The following RP1 variants were observed in gnomAD, a reference collection of about 807,000 sequenced individuals.
The protein encoded by RP1 is oxygen-regulated protein 1.
A neutral mutation model predicts 14.8 loss-of-function variants in RP1; 16 were observed. The ratio of observed to expected loss-of-function variants is 1.08; its 90% confidence interval spans 0.73 to 1.65. RP1 has a LOEUF of 1.65. RP1 is among the 40% of genes most tolerant of loss of function. RP1 has a pLI of 0.00. For synonymous variants in RP1, 876 were observed against 883.6 expected (o/e 0.99, Z 0.15); for missense variants, 2,631 against 2,535.0 (o/e 1.04, Z -0.81).
At chr8:54,826,105 A>G (rs1326075327) in intron 24 of RP1, among the ~76,000 whole-genome samples, 7 of 152,172 alleles carry the variant, frequency 4.6e-5, no homozygotes, top group African/African-American at 2.4e-5. Flanking sequence ...AAAAGTTGTA[A>G]TAAGAGATGG....
chr8:54,647,676 A>G (rs529192210), intron 3 of RP1, among the ~76,000 whole-genome samples: 3 of 150,692 alleles, frequency 2.0e-5, no homozygotes, highest in South Asian at 2.1e-4. Context: ...TCATTACTTC[A>G]CTTTTGTTTT....
chr8:54,831,401 C>CTTTTTTTTTTTTTTT (rs368455444), intron 24 of RP1, among the ~76,000 whole-genome samples: 2 of 102,746 alleles, frequency 1.9e-5, no homozygotes, highest in Admixed American at 1.0e-4. Flanking sequence ...CCTATTGTTT[C>CTTTTTTTTTTTTTTT]TTTTTTTTTT....
At chr8:54,733,232 C>T (rs534171413) in intron 17 of RP1, among the ~76,000 whole-genome samples, 1 of 152,026 alleles carries the variant, frequency 6.6e-6, no homozygotes, top group Admixed American at 6.6e-5. Context: ...TGCTTCTTTT[C>T]CTCTTCTTAA....
chr8:54,779,328 T>A (rs1810124266), intron 23 of RP1, among the ~76,000 whole-genome samples: 1 of 152,194 alleles, frequency 6.6e-6, no homozygotes, highest in Non-Finnish European at 1.5e-5. Flanking sequence ...CCATCATTTT[T>A]ATTATTGAAT....
chr8:54,571,036 T>G (rs1292192610), intron 1 of RP1, among the ~76,000 whole-genome samples: 8 of 152,194 alleles, frequency 5.3e-5, no homozygotes, highest in Non-Finnish European at 1.0e-4. Context: ...AGGACACTCT[T>G]GCTCCTTCTG....
chr8:54,608,045 A>C (rs1805502831), intron 1 of RP1, among the ~76,000 whole-genome samples: 1 of 151,846 alleles, frequency 6.6e-6, no homozygotes, highest in African/African-American at 2.4e-5. Flanking sequence ...TGCTCCACCC[A>C]CTGTCCTGCA....
In RP1 at chr8:54,657,915, G is replaced by C. The variant is rs557607300; in HGVS notation, c.1171+1700G>C. Among the ~76,000 whole-genome samples the C allele has an allele frequency of 5.3e-5, 8 of 152,246 alleles. No individual in the cohort carries two copies. The South Asian group carries it at 1.7e-3, about 32-fold the overall frequency. On this transcript the variant is annotated intron_variant, in intron 6 of 22. Transcript: ENST00000636932. Reference sequence around the variant, plus strand: ...TTAAACAAATTTTATTTTTAATTGTGATAATTAACACAAACATTAACCTTA... The same window carrying C: ...TTAAACAAATTTTATTTTTAATTGTCATAATTAACACAAACATTAACCTTA...
intron 7 of RP1, among the ~76,000 whole-genome samples, chr8:54,666,995 C>T (rs1425750557): frequency 6.6e-6 from 1 of 152,012 alleles, no homozygotes; most frequent in Non-Finnish European, 1.5e-5. Flanking sequence ...AGATATGGCA[C>T]TGGAAATAGG....
intron 24 of RP1, among the ~76,000 whole-genome samples, chr8:54,805,645 A>T (rs780329092): frequency 6.6e-6 from 1 of 152,056 alleles, no homozygotes; most frequent in Admixed American, 6.6e-5. Flanking sequence ...TTTTGTTGGT[A>T]TATTAGTTAT....
At chr8:54,870,030 G>A in exon 29 of RP1, 2 of 585,480 alleles carry the variant, frequency 3.4e-6, no homozygotes, top group Middle Eastern at 5.1e-4. Flanking sequence ...GCTTGGGCTG[G>A]AGCAAACACC....
At chr8:54,789,170 G>C (rs114032849) in intron 24 of RP1, among the ~76,000 whole-genome samples, 1 of 152,186 alleles carries the variant, frequency 6.6e-6, no homozygotes, top group Admixed American at 6.5e-5. Flanking sequence ...CACAGAACTT[G>C]GCGATAGCAC....
At chr8:54,664,625 CTTTA>C (rs1262386665) in intron 7 of RP1, among the ~76,000 whole-genome samples, 1 of 152,038 alleles carries the variant, frequency 6.6e-6, no homozygotes, top group Non-Finnish European at 1.5e-5. Context: ...ATGTACATTT[CTTTA>C]TTTATTAGTG....
chr8:54,786,707 C>A (rs1017478231), intron 24 of RP1, among the ~76,000 whole-genome samples: 1 of 152,032 alleles, frequency 6.6e-6, no homozygotes, highest in Non-Finnish European at 1.5e-5. Flanking sequence ...TATGGAGAGT[C>A]TCCGTCTGCC....
intron 19 of RP1, among the ~76,000 whole-genome samples, chr8:54,751,369 T>C (rs1809365725): frequency 6.6e-6 from 1 of 152,160 alleles, no homozygotes; most frequent in African/African-American, 2.4e-5. Context: ...AGCTGCCATG[T>C]TTGTGATGGT....
chr8:54,778,741 A>C (rs1810107308), intron 23 of RP1, among the ~76,000 whole-genome samples: 2 of 152,114 alleles, frequency 1.3e-5, no homozygotes, highest in African/African-American at 4.8e-5. Context: ...TGGAGGAAGA[A>C]AGGAGCCTTT....
At chr8:54,657,482 C>G (rs1388875075) in intron 6 of RP1, among the ~76,000 whole-genome samples, 1 of 152,008 alleles carries the variant, frequency 6.6e-6, no homozygotes, top group East Asian at 1.9e-4. Flanking sequence ...ATTTGATAAG[C>G]CTTTAGTTAT....
At chr8:54,701,639 A>G (rs1414470291) in exon 14 of RP1, 1 of 1,534,786 alleles carries the variant, frequency 6.5e-7, no homozygotes, top group Non-Finnish European at 8.7e-7. Flanking sequence ...AAATCTTTCA[A>G]AAGAATTTGT....
upstream of RP1, among the ~76,000 whole-genome samples, chr8:54,612,685 A>T (rs1002423071): frequency 6.6e-6 from 1 of 152,178 alleles, no homozygotes; most frequent in East Asian, 1.9e-4. Context: ...TCTCACTTAA[A>T]GTTAAAGCCA....
At chr8:54,623,703 C>T (rs1805944735) in intron 3 of RP1, among the ~76,000 whole-genome samples, 1 of 152,214 alleles carries the variant, frequency 6.6e-6, no homozygotes. Flanking sequence ...TCTGTTCTCT[C>T]TTGTGCCCTA....
Sources: gnomAD v4.1 joint callset for allele counts (sites outside exome capture counted in the v4.1 genomes callset) on GRCh38, gnomAD v4.1.1 for gene constraint, MANE v1.5 for transcripts, NCBI Gene and HGNC (gene_info 2026-07-23, HGNC 2026-07-21) for gene names.